RBPJ: variants seen among roughly 807,000 people sequenced by gnomAD.
RBPJ encodes the protein recombining binding protein suppressor of hairless.
RBPJ carries 9 observed loss-of-function variants against 67.8 expected under a neutral mutation model. The observed-to-expected ratio is 0.13, with a 90% CI of 0.08 to 0.23. The LOEUF is 0.23. Among genes scored for constraint, RBPJ ranks in the 10% least tolerant of loss-of-function variants. The pLI, the probability that RBPJ is intolerant of heterozygous loss-of-function variation, is 1.00. For synonymous variants in RBPJ, 198 were observed against 203.3 expected, an observed-to-expected ratio of 0.97 and a Z score of 0.22; for missense variants, 305 against 595.6, an observed-to-expected ratio of 0.51 and a Z score of 5.08.
rs370813635 is a variant in RBPJ at position 26,386,337 on chromosome 4, A to T, written c.21-16A>T. ...AAGCTTACTTAACTTTATTTTCTTTATTTTTTTTTTTCCAGGAAATTTGGT... is the reference window on the plus strand; with the variant it reads ...AAGCTTACTTAACTTTATTTTCTTTTTTTTTTTTTTTCCAGGAAATTTGGT... On this transcript the variant is annotated splice_polypyrimidine_tract_variant and intron_variant, in intron 1 of 10. Coordinates refer to ENST00000355476, the MANE Select transcript of RBPJ (RefSeq NM_015874.6). The T allele has an allele frequency of 7.0e-7, 1 of 1,431,586 alleles. No individual in the cohort carries two copies. 88.7% of individuals were successfully genotyped at this position (1,431,586 alleles called of 1,614,324 possible).
At chr4:26,365,480 T>C (rs1250845478) in intron 1 of RBPJ, among the ~76,000 whole-genome samples, 1 of 152,220 alleles carries the variant, frequency 6.6e-6, no homozygotes, top group Admixed American at 6.5e-5. Context: ...CAGTGGGTTA[T>C]GACCAGCATT....
At chr4:26,333,214 C>T (rs1487562118) in intron 1 of RBPJ, among the ~76,000 whole-genome samples, 1 of 152,100 alleles carries the variant, frequency 6.6e-6, no homozygotes, top group Admixed American at 6.5e-5. Context: ...TGCAAGCAAT[C>T]CCCTGCGGAT....
chr4:26,278,243 C>T (rs1185927957), intron 1 of RBPJ, among the ~76,000 whole-genome samples: 1 of 152,090 alleles, frequency 6.6e-6, no homozygotes, highest in Non-Finnish European at 1.5e-5. Flanking sequence ...AAAGTAAAGT[C>T]ACGTCTGTCA....
At chr4:26,398,028 C>T (rs1352203711) in intron 2 of RBPJ, among the ~76,000 whole-genome samples, 1 of 151,944 alleles carries the variant, frequency 6.6e-6, no homozygotes, top group Non-Finnish European at 1.5e-5. Flanking sequence ...TATTGTGTTT[C>T]TCAATATGCT....
At position 26,289,404 on chromosome 4, in the gene RBPJ, A is replaced by G. The variant is rs917164140; in HGVS notation, c.-166-73042A>G. Among the ~76,000 whole-genome samples the G allele has an allele frequency of 1.7e-4, 25 of 145,288 alleles. 3 individuals are homozygous for G. The highest frequency in any genetic ancestry group is 4.7e-4 in the African/African-American group (18 of 38,480). ...GGTCTCAAAAAAAAAAAAAAAAAAA[A>G]AAAGAAAAAGAAAAAGGAGTAAATA... On this transcript the variant is annotated intron_variant, in intron 1 of 4. Coordinates refer to the RBPJ transcript ENST00000512351.
At chr4:26,150,656 A>T in the RBPJ span, among the ~76,000 whole-genome samples, 1 of 152,224 alleles carries the variant, frequency 6.6e-6, no homozygotes, top group South Asian at 2.1e-4. Context: ...GAAAGAACTT[A>T]AAACAGTGGC....
intron 1 of RBPJ, among the ~76,000 whole-genome samples, chr4:26,191,947 G>C (rs1418635075): frequency 2.0e-5 from 3 of 152,100 alleles, no homozygotes; most frequent in East Asian, 3.9e-4. Context: ...TCTCAGGCCT[G>C]CTATGTAAAC....
At chr4:26,425,443 C>T (rs146157705) in intron 7 of RBPJ, among the ~76,000 whole-genome samples, 1 of 151,732 alleles carries the variant, frequency 6.6e-6, no homozygotes, top group East Asian at 1.9e-4. Flanking sequence ...CCGTCTTTAC[C>T]ACTGACCCCG....
At chr4:26,212,432 C>CTTTTTTTT (rs370447105) in intron 1 of RBPJ, among the ~76,000 whole-genome samples, 13 of 112,228 alleles carry the variant, frequency 1.2e-4, no homozygotes, top group South Asian at 2.7e-4. Flanking sequence ...CTTTTCTTTT[C>CTTTTTTTT]TTTTTTTTTT....
intron 1 of RBPJ, among the ~76,000 whole-genome samples, chr4:26,215,211 A>T (rs185703366): frequency 5.8e-5 from 1 of 17,138 alleles, no homozygotes; most frequent in African/African-American, 3.6e-4. Flanking sequence ...AGAGAGAAAG[A>T]AAGAGAAAAA....
At position 26,277,482 on chromosome 4, in the gene RBPJ, C is replaced by T. The variant is rs113776392; in HGVS notation, c.-166-84964C>T. Among the ~76,000 whole-genome samples, 39 of 152,324 alleles carry T rather than the reference C, an allele frequency of 2.6e-4. 1 individual carries two copies. The highest frequency in any genetic ancestry group is 7.5e-4 in the African/African-American group (31 of 41,584). On this transcript the variant is annotated intron_variant, in intron 1 of 4. Coordinates refer to the RBPJ transcript ENST00000512351. ...ACCAGGACGAGGCTGCAAGCCTGAG[C>T]GCCACAGGGCTGGGTTCTTCAATGC...
intron 1 of RBPJ, among the ~76,000 whole-genome samples, chr4:26,322,697 G>A (rs1470000050): frequency 6.6e-6 from 1 of 151,570 alleles, no homozygotes; most frequent in East Asian, 1.9e-4. Flanking sequence ...GTAATAGCCT[G>A]TAGTGAGATT....
At chr4:26,398,575 A>G (rs936783257) in intron 2 of RBPJ, among the ~76,000 whole-genome samples, 2 of 152,290 alleles carry the variant, frequency 1.3e-5, no homozygotes, top group African/African-American at 2.4e-5. Flanking sequence ...GCTTGAGCCA[A>G]TCTCACCCCA....
At chr4:26,379,839 G>A (rs1237674234) in intron 1 of RBPJ, among the ~76,000 whole-genome samples, 5 of 152,150 alleles carry the variant, frequency 3.3e-5, no homozygotes, top group Admixed American at 3.3e-4. Flanking sequence ...GCCTCCCAAA[G>A]TGCTGCAATT....
the RBPJ span, among the ~76,000 whole-genome samples, chr4:26,144,157 G>A: frequency 1.3e-5 from 2 of 151,372 alleles, no homozygotes; most frequent in Non-Finnish European, 2.9e-5. Flanking sequence ...TCTATAATAG[G>A]TATAAACAAG....
intron 1 of RBPJ, among the ~76,000 whole-genome samples, chr4:26,169,512 G>A (rs1356792832): frequency 6.6e-6 from 1 of 152,180 alleles, no homozygotes; most frequent in Non-Finnish European, 1.5e-5. Flanking sequence ...AGGCTGCTCG[G>A]GGGTCAGGGG....
At chr4:26,414,469 T>C (rs1183867388) in intron 3 of RBPJ, among the ~76,000 whole-genome samples, 1 of 152,180 alleles carries the variant, frequency 6.6e-6, no homozygotes, top group Non-Finnish European at 1.5e-5. Context: ...GCGCCCAGCC[T>C]GGATATTCCT....
At chr4:26,303,230 A>T (rs976943390) in intron 1 of RBPJ, among the ~76,000 whole-genome samples, 16 of 144,190 alleles carry the variant, frequency 1.1e-4, no homozygotes, top group Non-Finnish European at 2.1e-4. Context: ...TAAATGAATA[A>T]ATATATATAT....
intron 3 of RBPJ, among the ~76,000 whole-genome samples, chr4:26,407,066 A>G (rs1733492433): frequency 6.6e-6 from 1 of 152,254 alleles, no homozygotes; most frequent in African/African-American, 2.4e-5. Flanking sequence ...ACAAAATGAA[A>G]TAATCCACAG....
Sources: allele counts gnomAD v4.1 joint callset (sites outside exome capture counted in the v4.1 genomes callset), GRCh38; gene constraint gnomAD v4.1.1; transcripts MANE v1.5; gene names NCBI Gene and HGNC (gene_info 2026-07-23, HGNC 2026-07-21).